ZNF195: variants seen among roughly 807,000 people sequenced by gnomAD.
ZNF195 encodes zinc finger protein 195.
Under a neutral mutation model 19.5 loss-of-function variants are expected in ZNF195, and 11 were observed. That is an observed-to-expected ratio of 0.57 (90% CI 0.36 to 0.94). The LOEUF is 0.94. ZNF195 is among the 40% of genes least tolerant of loss of function. ZNF195 has a pLI of 0.01. For missense variants in ZNF195, 582 were observed against 709.0 expected (o/e 0.82, Z 2.03); for synonymous variants, 214 against 248.1 (o/e 0.86, Z 1.29).
rs532918962 is a variant in ZNF195 at position 3,362,599 on chromosome 11, A to C, written c.227-710T>G. ...AATTTCCATGGTAACCACAAAGAAA[A>C]TACCTATAAGACACACAAAAGAAAA... On this transcript the variant is annotated intron_variant, in intron 3 of 5. Coordinates refer to ENST00000399602, the MANE Select transcript of ZNF195 (RefSeq NM_001130520.3). 1.7e-4 allele frequency: 99 copies of C among 594,578 alleles called. 2 individuals carry two copies. In the East Asian group the frequency reaches 2.8e-3, roughly 17 times the overall value. 36.8% of individuals were successfully genotyped at this position (594,578 alleles called of 1,614,324 possible).
intron 1 of ZNF195, among the ~76,000 whole-genome samples, chr11:3,378,719 GA>G (rs757930799): frequency 1.7e-4 from 26 of 152,348 alleles, no homozygotes; most frequent in Non-Finnish European, 2.8e-4. Flanking sequence ...AGAAAGGAGG[GA>G]CTGGGGCCCC....
chr11:3,359,305 T>C lies in ZNF195; in HGVS notation c.1703A>G (p.His568Arg), dbSNP rs933818026. ...TTTCTCTCCAGTATGGGTTTTCTTATGTTTGGTAATGTCTGAGAACCACAT... is the reference window on the plus strand; with the variant it reads ...TTTCTCTCCAGTATGGGTTTTCTTACGTTTGGTAATGTCTGAGAACCACAT... ...VFMWFSDITK[H>R]KKTHTGEKPY... The change falls in exon 6 of 6, where the codon CAT (histidine) becomes CGT (arginine). Residue 568 changes from histidine (H) to arginine (R), a missense_variant. By Grantham distance (29) the His-to-Arg change is conservative. Coordinates refer to ENST00000399602, the MANE Select transcript of ZNF195 (RefSeq NM_001130520.3). This position sits in a 1 kb window ranked among gnomAD's most constrained non-coding sequence, Gnocchi z 5.5. 4 of 1,613,768 alleles carry C rather than the reference T, an allele frequency of 2.5e-6. No individual in the cohort carries two copies. The highest frequency in any genetic ancestry group is 2.7e-5 in the African/African-American group (2 of 74,988).
chr11:3,367,750 A>C (rs1039025284), intron 3 of ZNF195, among the ~76,000 whole-genome samples: 1 of 152,112 alleles, frequency 6.6e-6, no homozygotes, highest in Non-Finnish European at 1.5e-5. Flanking sequence ...ATTTATATAC[A>C]GGTTGAAGAA....
At chr11:3,370,129 A>G (rs1467110334) in intron 3 of ZNF195, among the ~76,000 whole-genome samples, 1 of 152,230 alleles carries the variant, frequency 6.6e-6, no homozygotes, top group Non-Finnish European at 1.5e-5. Context: ...AGCATAAAAA[A>G]GAATGAAATC....
chr11:3,359,003 T>C lies in ZNF195; in HGVS notation c.*115A>G. ...CTGGAGACTTATATTTCATGAAAGG[T>C]CTTTCAATAGTAATTACATTTATGA... On this transcript the variant is annotated 3_prime_UTR_variant, in exon 6 of 6. Transcript: ENST00000399602. The surrounding 1 kb of genome is among the most constrained non-coding windows in gnomAD (Gnocchi z 5.5). 7 of 1,276,924 alleles carry C rather than the reference T, an allele frequency of 5.5e-6. No homozygotes were observed. The highest frequency in any genetic ancestry group is 2.0e-4 in the Middle Eastern group (1 of 4,960). 79.1% of individuals were successfully genotyped at this position (1,276,924 alleles called of 1,614,324 possible).
chr11:3,374,606 C>G (rs1010854741), intron 1 of ZNF195, among the ~76,000 whole-genome samples: 1 of 152,224 alleles, frequency 6.6e-6, no homozygotes, highest in African/African-American at 2.4e-5. Context: ...GGGCACCTCA[C>G]GTCATGTGAG....
In ZNF195 at chr11:3,361,871, G is replaced by A. The variant is rs542961230; in HGVS notation, c.245C>T (p.Ala82Val). 1.4e-3 allele frequency: 641 copies of A among 473,970 alleles called. 3 individuals carry two copies. The highest frequency in any genetic ancestry group is 5.8e-3 in the Middle Eastern group (17 of 2,924). The allele number at this position is 473,970 out of a possible 1,614,324, so 29.4% of individuals were successfully genotyped here. A position where few individuals can be genotyped will look rare whatever the true frequency, so the allele number is the denominator to read the frequency against. ...DGHPEMGFHH[A>V]TQACLELLGS... The stretch of plus-strand genomic sequence containing the variant: ...CAGGAGTTCAAGACAAGCCTGAGTA[G>A]CATGGTGAAATCCCATCTCTACAGA... Residue 82 changes from alanine (A) to valine (V), a missense_variant, in exon 4 of 6, where the codon GCT (alanine) becomes GTT (valine). This residue lies in a region of ZNF195 where 129 missense variants were observed against 112.1 expected (regional missense o/e 1.15). Coordinates refer to ENST00000399602, the MANE Select transcript of ZNF195 (RefSeq NM_001130520.3).
Position 3,373,742 on chromosome 11 carries a change from A to G in ZNF195, c.4-2039T>C. The G allele has an allele frequency of 3.0e-6, 3 of 1,004,362 alleles. No individual in the cohort carries two copies. The East Asian group carries it at 7.9e-5, about 26-fold the overall frequency. 62.2% of individuals were successfully genotyped at this position (1,004,362 alleles called of 1,614,324 possible). A position where few individuals can be genotyped will look rare whatever the true frequency, so the allele number is the denominator to read the frequency against. On this transcript the variant is annotated intron_variant, in intron 1 of 5. Transcript: ENST00000399602. ...CAACCATCAACAGAAAGACCAAGAAATACAGAAAAAGTCCACGCTTTTCTG... is the reference window on the plus strand; with the variant it reads ...CAACCATCAACAGAAAGACCAAGAAGTACAGAAAAAGTCCACGCTTTTCTG...
chr11:3,360,738 T>C lies in ZNF195; in HGVS notation c.424A>G (p.Arg142Gly). 6.4e-7 allele frequency: 1 copy of C among 1,551,616 alleles called. No individual in the cohort carries two copies. The highest frequency in any genetic ancestry group is 8.7e-7 in the Non-Finnish European group (1 of 1,146,956). Residue 142 changes from arginine to glycine, a missense_variant, in exon 5 of 6, where the codon AGA (arginine) becomes GGA (glycine). Around this residue, in one of 3 missense-constraint regions of ZNF195, gnomAD observed 129 missense variants for 112.1 expected, o/e 1.15. Coordinates refer to ENST00000399602, the MANE Select transcript of ZNF195 (RefSeq NM_001130520.3). Reference protein sequence around the residue: ...LQTVKWFLEFRCIFSLAMSSH... With the variant: ...LQTVKWFLEFGCIFSLAMSSH... ...ACAATACCTAGTGAGAAGATGCATC[T>C]GAACTCTAAAAACCATTTCACAGTT...
chr11:3,363,315 G>C (rs1055429945), intron 3 of ZNF195: 2 of 152,056 alleles, frequency 1.3e-5, no homozygotes, highest in Admixed American at 6.5e-5. Flanking sequence ...CACAGATATA[G>C]AGAGAACACT....
chr11:3,360,321 T>C lies in ZNF195; in HGVS notation c.687A>G (p.Ser229=). ...TACTTATATTACGTCTATGTAAATT[T>C]GAAAAGTTATCAAAGATTTTAACAT... ...NKYVKIFDNF[S]NLHRRNISNT... is the part of the protein sequence containing the mutation. Residue 229 remains serine, a synonymous_variant, in exon 6 of 6, where the codon TCA becomes TCG. Transcript: ENST00000399602. The C allele has an allele frequency of 1.2e-6, 2 of 1,603,372 alleles. No homozygotes were observed. The highest frequency in any genetic ancestry group is 1.7e-6 in the Non-Finnish European group (2 of 1,173,720).
rs1476043216 is a variant in ZNF195, at chr11:3,359,329, A to G, written c.1679T>C (p.Met560Thr). Residue 560 changes from methionine (M) to threonine (T), a missense_variant, in exon 6 of 6, where the codon ATG becomes ACG. This residue lies in a region of ZNF195 where 407 missense variants were observed against 530.5 expected (regional missense o/e 0.77). Transcript: ENST00000399602. The surrounding 1 kb of genome is among the most constrained non-coding windows in gnomAD (Gnocchi z 5.5). ...ATGTTTGGTAATGTCTGAGAACCAC[A>G]TGAAGACTCTGCCACATTCTTCACA... ...YKCEECGRVF[M>T]WFSDITKHKK... is the part of the protein sequence containing the mutation. 1.2e-6 allele frequency: 2 copies of G among 1,600,204 alleles called. No homozygotes were observed. Among genetic ancestry groups the G allele is most frequent in the Admixed American group, 1.7e-5 (1 of 58,880 alleles).
chr11:3,373,550 A>T, intron 1 of ZNF195: 4 of 1,524,918 alleles, frequency 2.6e-6, no homozygotes, highest in South Asian at 1.2e-5. Context: ...AAAAGTGGAC[A>T]CAACCCCTGA....
chr11:3,361,836 C>A lies in ZNF195; in HGVS notation c.280G>T (p.Asp94Tyr), dbSNP rs752579667. 6 of 648,150 alleles carry A rather than the reference C, an allele frequency of 9.3e-6. No homozygotes were observed. Among genetic ancestry groups the A allele is most frequent in the South Asian group, 8.9e-5 (6 of 67,392 alleles). The allele number at this position is 648,150 out of a possible 1,614,324, so 40.1% of individuals were successfully genotyped here. Residue 94 changes from aspartate to tyrosine, a missense_variant, in exon 4 of 6, where the codon GAT (aspartate) becomes TAT (tyrosine). Around this residue, in one of 3 missense-constraint regions of ZNF195, gnomAD observed 129 missense variants for 112.1 expected, o/e 1.15. Transcript: ENST00000399602. ...CTTTGGGAGGCTGAGGCAGGCAGAT[C>A]GCTTGAGCCCAGGAGTTCAAGACAA... ...QACLELLGSS[D>Y]LPASASQSAG...
intron 3 of ZNF195, chr11:3,366,863 G>C (rs1200150101): frequency 2.3e-6 from 1 of 441,136 alleles, no homozygotes; most frequent in Non-Finnish European, 4.6e-6. Flanking sequence ...CCAGGAGTCC[G>C]AGACCAGCCT....
Position 3,358,946 on chromosome 11 carries a change from CA to C in ZNF195, c.*171del, listed in dbSNP as rs750603030. 45 of 919,266 alleles carry C rather than the reference CA, an allele frequency of 4.9e-5. No homozygotes were observed. The East Asian group carries it at 7.7e-4, about 16-fold the overall frequency. 56.9% of individuals were successfully genotyped at this position (919,266 alleles called of 1,614,324 possible). A position where few individuals can be genotyped will look rare whatever the true frequency, so the allele number is the denominator to read the frequency against. The stretch of plus-strand genomic sequence containing the variant: ...AGTCTTCCATCTAGTATAATTGTAA[CA>C]TTTTTTTCAGAAGAAATACTCTTGT... On this transcript the variant is annotated 3_prime_UTR_variant, in exon 6 of 6. Coordinates refer to ENST00000399602, the MANE Select transcript of ZNF195 (RefSeq NM_001130520.3).
At position 3,371,713 on chromosome 11, in the gene ZNF195, AAAC is replaced by A. The variant is rs202066172; in HGVS notation, c.4-13_4-11del. 443 of 1,587,256 alleles carry A rather than the reference AAAC, an allele frequency of 2.8e-4. No homozygotes were observed. The East Asian group carries it at 7.0e-3, about 25-fold the overall frequency. On this transcript the variant is annotated splice_polypyrimidine_tract_variant and intron_variant, in intron 1 of 5. Coordinates refer to ENST00000399602, the MANE Select transcript of ZNF195 (RefSeq NM_001130520.3). The stretch of plus-strand genomic sequence containing the variant: ...TGAACGTCAACAGAGTCTGAAGAAG[AAAC>A]AACAACAATAACAAATACTTGATTC...
intron 1 of ZNF195, among the ~76,000 whole-genome samples, chr11:3,377,159 C>G (rs1435839628): frequency 6.6e-6 from 1 of 152,208 alleles, no homozygotes; most frequent in African/African-American, 2.4e-5. Context: ...ACCTTTCAAG[C>G]TCTACTGATA....
At chr11:3,377,887 T>G (rs1849541548) in intron 1 of ZNF195, 1 of 987,934 alleles carries the variant, frequency 1.0e-6, no homozygotes, top group South Asian at 4.6e-5. Context: ...GACATTCTGG[T>G]AAGGTGTCTG....
Sources: allele counts gnomAD v4.1 joint callset (sites outside exome capture counted in the v4.1 genomes callset), GRCh38; gene constraint gnomAD v4.1.1; regional missense constraint gnomAD v4.1.1; non-coding constraint Gnocchi (gnomAD v3.1); transcripts MANE v1.5; gene names NCBI Gene and HGNC (gene_info 2026-07-23, HGNC 2026-07-21).